Variants in COPS5 observed in about 807,000 individuals in gnomAD.
The protein encoded by COPS5 is COP9 signalosome complex subunit 5.
A neutral mutation model predicts 44.4 loss-of-function variants in COPS5; 8 were observed. The ratio of observed to expected loss-of-function variants is 0.18; its 90% CI spans 0.11 to 0.32. COPS5 has a LOEUF of 0.32. COPS5 is among the 10% of genes least tolerant of loss of function. COPS5 has a pLI of 1.00. For missense variants in COPS5, 159 were observed against 406.4 expected (o/e 0.39, Z 5.23); for synonymous variants, 122 against 142.8 (o/e 0.85, Z 1.04).
At chr8:67,054,564 C>G (rs921545597) in intron 5 of COPS5, among the ~76,000 whole-genome samples, 1 of 151,282 alleles carries the variant, frequency 6.6e-6, no homozygotes, top group Non-Finnish European at 1.5e-5. Flanking sequence ...AAAACAGGAA[C>G]CAAAAAAAAG....
chr8:67,050,070 G>C (rs1051015143), intron 6 of COPS5, among the ~76,000 whole-genome samples: 1 of 147,412 alleles, frequency 6.8e-6, no homozygotes, highest in Non-Finnish European at 1.5e-5. Context: ...GCGCGATCTC[G>C]GCTCACTGCA....
intron 6 of COPS5, among the ~76,000 whole-genome samples, chr8:67,050,001 CTTT>C (rs548690353): frequency 7.2e-6 from 1 of 138,686 alleles, no homozygotes; most frequent in Admixed American, 7.2e-5. Context: ...GTGATACTCT[CTTT>C]TTTTTTTTTT....
intron 5 of COPS5, among the ~76,000 whole-genome samples, chr8:67,051,938 T>TA (rs1394355712): frequency 6.6e-6 from 1 of 152,210 alleles, no homozygotes; most frequent in Admixed American, 6.6e-5. Flanking sequence ...ACTTACATCT[T>TA]AAACTTACAC....
intron 1 of COPS5, 139 bp from the exon 2 acceptor site, chr8:67,059,584 A>T (rs10089495): frequency 1 from 645,606 of 646,080 alleles, 322,566 homozygotes; most frequent in Middle Eastern, 1. Context: ...AGAAAAAGTA[A>T]AAAAGGACAG....
chr8:67,049,101 A>G (rs1301894096), intron 6 of COPS5, among the ~76,000 whole-genome samples: 1 of 152,204 alleles, frequency 6.6e-6, no homozygotes, highest in Non-Finnish European at 1.5e-5. Context: ...GAGCAGCTTC[A>G]TGTTGATGGC....
chr8:67,051,431 C>T (rs2129537837), intron 5 of COPS5, 90 bp from the exon 6 acceptor site: 1 of 670,218 alleles, frequency 1.5e-6, no homozygotes, highest in Non-Finnish European at 2.6e-6. Flanking sequence ...GTGAGTTACA[C>T]TTTATTCTCA....
intron 7 of COPS5, chr8:67,044,512 T>C (rs188277094): frequency 6.6e-6 from 1 of 152,188 alleles, no homozygotes; most frequent in African/African-American, 2.4e-5. Flanking sequence ...TTAAAATAGA[T>C]ACCAACATAT....
At chr8:67,050,056 A>C (rs968744769) in intron 6 of COPS5, among the ~76,000 whole-genome samples, 1 of 147,778 alleles carries the variant, frequency 6.8e-6, no homozygotes, top group Non-Finnish European at 1.5e-5. Context: ...GCTGGAGTGC[A>C]GTAGCGCGAT....
In COPS5 at chr8:67,051,118, G is replaced by C. The variant is rs1209024348; in HGVS notation, c.771+112C>G. 3.6e-5 allele frequency: 26 copies of C among 719,178 alleles called. No homozygotes were observed. The East Asian group carries it at 6.5e-4, about 18-fold the overall frequency. 44.5% of individuals were successfully genotyped at this position (719,178 alleles called of 1,614,324 possible). A position where few individuals can be genotyped will look rare whatever the true frequency, so the allele number is the denominator to read the frequency against. On this transcript the variant is annotated intron_variant, in intron 6 of 7. Coordinates refer to ENST00000357849, the MANE Select transcript of COPS5 (RefSeq NM_006837.3). ...TGGTGCAGAATCCCACCCTAGCCCT[G>C]GTGTCTTGGCCAAGTCAGGTATAGC...
At chr8:67,045,098 C>A (rs368501015) in intron 7 of COPS5, 2 of 152,122 alleles carry the variant, frequency 1.3e-5, no homozygotes, top group East Asian at 3.9e-4. Flanking sequence ...GAGACAATCA[C>A]TTCTGTAATA....
intron 4 of COPS5, among the ~76,000 whole-genome samples, chr8:67,057,068 T>C (rs1003966037): frequency 6.6e-6 from 1 of 152,200 alleles, no homozygotes; most frequent in Non-Finnish European, 1.5e-5. Context: ...ATAACATAAA[T>C]GTATTACCCT....
rs1204484290 is a variant in COPS5 at position 67,057,315 on chromosome 8, T to C, written c.573+65A>G. ...AGTACACTATGATCATGCCTGTGAA[T>C]AGCCACTGTACTCCAGCCTAGGTAA... is the stretch of plus-strand genomic sequence containing the variant. On this transcript the variant is annotated intron_variant, in intron 4 of 7. Transcript: ENST00000357849. The C allele has an allele frequency of 3.0e-5, 31 of 1,049,426 alleles. No individual in the cohort carries two copies. In the East Asian group the frequency reaches 5.8e-4, roughly 20 times the overall value. The allele number at this position is 1,049,426 out of a possible 1,614,324, so 65.0% of individuals were successfully genotyped here.
At chr8:67,052,354 T>G (rs1298255036) in intron 5 of COPS5, among the ~76,000 whole-genome samples, 1 of 150,752 alleles carries the variant, frequency 6.6e-6, no homozygotes, top group African/African-American at 2.4e-5. Context: ...AAGAATTATG[T>G]GAGGGGAAGC....
chr8:67,052,380 G>A (rs990244995), intron 5 of COPS5, among the ~76,000 whole-genome samples: 5 of 151,832 alleles, frequency 3.3e-5, no homozygotes, highest in Admixed American at 6.6e-5. Flanking sequence ...AGCTATGCTG[G>A]GGTCTAGGTG....
chr8:67,061,882 T>C lies in COPS5; in HGVS notation c.115A>G (p.Ile39Val). ...TTAGTCCAGGGCTTCGCCGCCAGGA[T>C]TTCTTGCTGCTGTTTCTTGTCGTAT... is the stretch of plus-strand genomic sequence containing the variant. ...YKYDKKQQQE[I>V]LAAKPWTKDH... The change falls in exon 1 of 8, where the codon ATC becomes GTC. Residue 39 changes from isoleucine (I) to valine (V), a missense_variant. Physicochemically the swap from Ile to Val is conservative, Grantham distance 29. Transcript: ENST00000357849. The C allele has an allele frequency of 6.2e-7, 1 of 1,614,196 alleles. No individual in the cohort carries two copies. Among genetic ancestry groups the C allele is most frequent in the Non-Finnish European group, 8.5e-7 (1 of 1,180,034 alleles).
intron 6 of COPS5, among the ~76,000 whole-genome samples, chr8:67,048,715 CAAA>C (rs377157256): frequency 4.7e-5 from 3 of 63,754 alleles, no homozygotes; most frequent in African/African-American, 5.8e-5. Flanking sequence ...GACTCCATCT[CAAA>C]AAAAAAAAAA....
Position 67,062,061 on chromosome 8 carries a change from C to A in COPS5, c.-65G>T. The A allele has an allele frequency of 6.2e-7, 1 of 1,610,238 alleles. No homozygotes were observed. The highest frequency in any genetic ancestry group is 8.5e-7 in the Non-Finnish European group (1 of 1,178,922). On this transcript the variant is annotated 5_prime_UTR_variant, in exon 1 of 8. Transcript: ENST00000357849. ...ACGCAACTTTACCTCGCTAGGTTTC[C>A]GGGTGTGGGCCTTGACCCTCCGCAC...
In COPS5 at chr8:67,055,436, T is replaced by C. The variant is rs545873389; in HGVS notation, c.659+1083A>G. On this transcript the variant is annotated intron_variant, in intron 5 of 7. Transcript: ENST00000357849. ...GCAAGTGCTTGATTGGGGCTCCAGA[T>C]GGCAGTGGCTTGGGTGAAAAGGATA... Among the ~76,000 whole-genome samples, 20 of 152,316 alleles carry C rather than the reference T, an allele frequency of 1.3e-4. 1 individual carries two copies. Among genetic ancestry groups the C allele is most frequent in the African/African-American group, 4.8e-4 (20 of 41,580 alleles).
chr8:67,057,552 A>G, intron 3 of COPS5, 107 bp from the exon 4 acceptor site: 1 of 623,372 alleles, frequency 1.6e-6, no homozygotes, highest in South Asian at 3.1e-5. Context: ...ATATACATAC[A>G]TAATAACCAA....
Sources: gnomAD v4.1 joint callset for allele counts (sites outside exome capture counted in the v4.1 genomes callset) on GRCh38, gnomAD v4.1.1 for gene constraint, MANE v1.5 for transcripts, NCBI Gene and HGNC (gene_info 2026-07-23, HGNC 2026-07-21) for gene names.